Variants in CD109 observed in about 807,000 individuals in gnomAD.
CD109 encodes the protein CD109 antigen.
A neutral mutation model predicts 165.8 loss-of-function variants in CD109; 149 were observed. That is an observed-to-expected ratio of 0.90 (90% CI 0.79 to 1.03). The LOEUF is 1.03. Among genes scored for constraint, CD109 ranks in the 50% least tolerant of loss-of-function variants. The probability of loss-of-function intolerance (pLI) is 0.00; values close to 1 mark genes in which losing one functional copy is unlikely to be tolerated. For missense variants in CD109, 1,712 were observed against 1,677.8 expected, an observed-to-expected ratio of 1.02 and a Z score of -0.36; for synonymous variants, 585 against 592.1, an observed-to-expected ratio of 0.99 and a Z score of 0.18.
chr6:73,783,920 G>T, intron 19 of CD109, 96 bp downstream of exon 19: 3 of 650,886 alleles, frequency 4.6e-6, no homozygotes, highest in East Asian at 5.3e-5. Context: ...TGCTTATAAT[G>T]TTTATCACAG....
chr6:73,770,830 C>A (rs972740132), intron 14 of CD109, among the ~76,000 whole-genome samples: 20 of 152,184 alleles, frequency 1.3e-4, no homozygotes, highest in African/African-American at 4.8e-4. Flanking sequence ...ATGACTGATG[C>A]TCTTTATAAA....
intron 6 of CD109, among the ~76,000 whole-genome samples, chr6:73,758,159 T>G (rs948117792): frequency 6.6e-6 from 1 of 152,092 alleles, no homozygotes; most frequent in Non-Finnish European, 1.5e-5. Flanking sequence ...TTAGCCTTGA[T>G]TGGAGCTGAA....
At chr6:73,815,541 A>G (rs3012544) in intron 30 of CD109, among the ~76,000 whole-genome samples, 85,339 of 152,054 alleles carry the variant, frequency 0.56, 24,333 homozygotes, top group African/African-American at 0.66. Context: ...TTATGATAAC[A>G]TGCAAATTCA....
chr6:73,726,986 T>C (rs186106019), intron 3 of CD109, among the ~76,000 whole-genome samples: 227 of 152,204 alleles, frequency 1.5e-3, no homozygotes, highest in African/African-American at 5.2e-3. Context: ...GGAACAGCTT[T>C]TTTTCCCCCT....
intron 15 of CD109, among the ~76,000 whole-genome samples, chr6:73,772,562 G>A (rs980605055): frequency 6.7e-6 from 1 of 149,038 alleles, no homozygotes; most frequent in Non-Finnish European, 1.5e-5. Flanking sequence ...GGAATTTGCA[G>A]TATATTGAGG....
chr6:73,763,765 C>T (rs1308379567), intron 10 of CD109, 80 bp downstream of exon 10: 2 of 687,908 alleles, frequency 2.9e-6, no homozygotes, highest in Admixed American at 6.3e-5. Context: ...ATTTTCAATG[C>T]TTTTCTAAAA....
intron 4 of CD109, among the ~76,000 whole-genome samples, chr6:73,733,941 G>A (rs565689306): frequency 2.6e-5 from 4 of 152,192 alleles, no homozygotes; most frequent in African/African-American, 9.6e-5. Context: ...GATCCAGAGC[G>A]ATCTAAAGGT....
intron 24 of CD109, among the ~76,000 whole-genome samples, chr6:73,805,518 A>T (rs1775530327): frequency 6.6e-6 from 1 of 152,070 alleles, no homozygotes; most frequent in Non-Finnish European, 1.5e-5. Context: ...TCTTATCTCA[A>T]CTGCAAAGAG....
intron 15 of CD109, among the ~76,000 whole-genome samples, chr6:73,775,409 C>T (rs1288237468): frequency 6.6e-6 from 1 of 152,082 alleles, no homozygotes; most frequent in African/African-American, 2.4e-5. Context: ...GATTATATAA[C>T]TGCATTTTTT....
chr6:73,704,543 C>T (rs868420806), intron 2 of CD109, among the ~76,000 whole-genome samples: 2 of 152,178 alleles, frequency 1.3e-5, no homozygotes, highest in Non-Finnish European at 2.9e-5. Flanking sequence ...TGCTGCTCCT[C>T]TTCTAGCACT....
intron 3 of CD109, 124 bp downstream of exon 3, chr6:73,723,403 G>GTTTA: frequency 4.0e-6 from 3 of 755,116 alleles, no homozygotes; most frequent in Non-Finnish European, 6.7e-6. Context: ...TTTGGCTTGA[G>GTTTA]TTTAGTTCAG....
At position 73,762,837 on chromosome 6, in the gene CD109, C is replaced by T. The variant is rs751932439; in HGVS notation, c.952C>T (p.Pro318Ser). The T allele has an allele frequency of 4.3e-6, 7 of 1,612,518 alleles. No homozygotes were observed. Among genetic ancestry groups the T allele is most frequent in the Non-Finnish European group, 5.9e-6 (7 of 1,179,460 alleles). ...TTCTGAATACCTGGATCTATCTTCC[C>T]CTGGACCAGTAGAAATTTTAACCAC... ...GLSEYLDLSS[P>S]GPVEILTTVT... Residue 318 changes from proline (P) to serine (S), a missense_variant, in exon 9 of 33, where the codon CCT becomes TCT. By Grantham distance (74) the Pro-to-Ser change is moderately conservative (BLOSUM62 -1). Coordinates refer to ENST00000287097, the MANE Select transcript of CD109 (RefSeq NM_133493.5).
chr6:73,756,732 A>C, intron 6 of CD109, 50 bp downstream of exon 6: 1 of 1,274,388 alleles, frequency 7.8e-7, no homozygotes, highest in East Asian at 2.6e-5. Flanking sequence ...TGTTACTTTC[A>C]GCAGAGATTA....
intron 4 of CD109, among the ~76,000 whole-genome samples, chr6:73,732,788 A>C (rs929099049): frequency 6.6e-6 from 1 of 152,142 alleles, no homozygotes; most frequent in Non-Finnish European, 1.5e-5. Flanking sequence ...TCTTCCTTTG[A>C]ATCTTTGATT....
intron 29 of CD109, among the ~76,000 whole-genome samples, chr6:73,812,590 A>G (rs867244834): frequency 3.9e-5 from 6 of 152,110 alleles, no homozygotes; most frequent in Admixed American, 1.3e-4. Context: ...CTTAATATTC[A>G]TCTGAGAATA....
At chr6:73,730,942 T>G (rs1403949281) in intron 4 of CD109, among the ~76,000 whole-genome samples, 1 of 152,184 alleles carries the variant, frequency 6.6e-6, no homozygotes, top group African/African-American at 2.4e-5. Context: ...TAAATAAACA[T>G]ACAAATATAT....
At chr6:73,780,568 G>A in intron 16 of CD109, 70 bp downstream of exon 16, 1 of 979,976 alleles carries the variant, frequency 1.0e-6, no homozygotes, top group Non-Finnish European at 1.6e-6. Context: ...CAGAATTAGT[G>A]ATCATTTTGA....
intron 2 of CD109, among the ~76,000 whole-genome samples, chr6:73,700,522 A>C (rs1421370900): frequency 6.6e-6 from 1 of 152,170 alleles, no homozygotes; most frequent in Non-Finnish European, 1.5e-5. Flanking sequence ...AGAAATCCTC[A>C]GGATAGGGAG....
chr6:73,739,738 C>T (rs1234000028), intron 5 of CD109, among the ~76,000 whole-genome samples: 1 of 152,066 alleles, frequency 6.6e-6, no homozygotes, highest in Non-Finnish European at 1.5e-5. Context: ...GTCCCAGCTA[C>T]TCGGGAGGCT....
Sources: allele counts gnomAD v4.1 joint callset (sites outside exome capture counted in the v4.1 genomes callset), GRCh38; gene constraint gnomAD v4.1.1; transcripts MANE v1.5; gene names NCBI Gene and HGNC (gene_info 2026-07-23, HGNC 2026-07-21).